Variants in QTMAN observed in about 807,000 individuals in gnomAD.
QTMAN encodes tRNA-queuosine alpha-mannosyltransferase.
chr2:144,136,256 G>A, the QTMAN span, among the ~76,000 whole-genome samples: 6,597 of 151,378 alleles, frequency 0.044, 481 homozygotes, highest in African/African-American at 0.15. Context: ...AGCCCAGGAG[G>A]TCAAGGATGA....
chr2:144,040,535 G>C, the QTMAN span, among the ~76,000 whole-genome samples: 108 of 152,202 alleles, frequency 7.1e-4, no homozygotes, highest in South Asian at 0.01. Flanking sequence ...ATCTATGCTA[G>C]TGAGCTATAT....
At chr2:144,039,581 G>C in the QTMAN span, among the ~76,000 whole-genome samples, 3 of 152,180 alleles carry the variant, frequency 2.0e-5, no homozygotes, top group African/African-American at 7.2e-5. Context: ...AGTAATGGAA[G>C]ATAAAAATGC....
the QTMAN span, among the ~76,000 whole-genome samples, chr2:144,105,576 C>CA: frequency 6.6e-6 from 1 of 152,132 alleles, no homozygotes; most frequent in African/African-American, 2.4e-5. Flanking sequence ...AAGAAATGAG[C>CA]AAAGCCTCCA....
chr2:144,331,839 C>T, the QTMAN span, among the ~76,000 whole-genome samples: 28 of 152,178 alleles, frequency 1.8e-4, no homozygotes, highest in African/African-American at 6.5e-4. Context: ...TCTTCACACT[C>T]GGCTGGCAGA....
At chr2:144,276,724 A>G in the QTMAN span, among the ~76,000 whole-genome samples, 1 of 152,238 alleles carries the variant, frequency 6.6e-6, no homozygotes, top group Non-Finnish European at 1.5e-5. Flanking sequence ...TGCTCTGGAT[A>G]CACCATCAAG....
chr2:143,980,582 G>A, the QTMAN span, among the ~76,000 whole-genome samples: 2 of 152,092 alleles, frequency 1.3e-5, no homozygotes, highest in Non-Finnish European at 2.9e-5. Flanking sequence ...TGTGTAATCA[G>A]ATGAATATAG....
chr2:144,265,469 G>A, the QTMAN span, among the ~76,000 whole-genome samples: 5 of 152,086 alleles, frequency 3.3e-5, no homozygotes, highest in Non-Finnish European at 7.4e-5. Context: ...AGGCTGAGGG[G>A]GGCAGATCAC....
the QTMAN span, among the ~76,000 whole-genome samples, chr2:144,267,812 T>C: frequency 6.6e-6 from 1 of 152,172 alleles, no homozygotes; most frequent in South Asian, 2.1e-4. Flanking sequence ...ATCTAAACTT[T>C]TGATTACAAT....
At chr2:144,277,085 G>T in the QTMAN span, among the ~76,000 whole-genome samples, 1 of 151,942 alleles carries the variant, frequency 6.6e-6, no homozygotes, top group South Asian at 2.1e-4. Flanking sequence ...CAGACAATAG[G>T]TGCCCACTAG....
At chr2:144,082,080 C>T in the QTMAN span, among the ~76,000 whole-genome samples, 1 of 152,078 alleles carries the variant, frequency 6.6e-6, no homozygotes, top group Non-Finnish European at 1.5e-5. Context: ...TTTGTAAGGA[C>T]GAGGTTTTGC....
chr2:144,303,262 T>C, the QTMAN span, among the ~76,000 whole-genome samples: 2 of 152,134 alleles, frequency 1.3e-5, no homozygotes, highest in African/African-American at 4.8e-5. Flanking sequence ...GCCAAGGCAG[T>C]GAAGTACTAT....
chr2:144,273,970 C>G, the QTMAN span, among the ~76,000 whole-genome samples: 2 of 152,078 alleles, frequency 1.3e-5, no homozygotes, highest in Non-Finnish European at 2.9e-5. Flanking sequence ...CCCATCTCTA[C>G]TAAAAATACA....
At chr2:144,028,082 T>C in the QTMAN span, among the ~76,000 whole-genome samples, 2 of 152,072 alleles carry the variant, frequency 1.3e-5, no homozygotes, top group African/African-American at 4.8e-5. Flanking sequence ...TATCCTTCCT[T>C]GGAAGGAAGG....
chr2:144,236,494 A>T, the QTMAN span, among the ~76,000 whole-genome samples: 68 of 151,994 alleles, frequency 4.5e-4, no homozygotes, highest in African/African-American at 1.5e-3. Flanking sequence ...CAGGGTCAGA[A>T]CTCACACAGT....
the QTMAN span, among the ~76,000 whole-genome samples, chr2:144,287,256 G>A: frequency 6.6e-6 from 1 of 152,146 alleles, no homozygotes; most frequent in East Asian, 1.9e-4. Context: ...CTAACAAAGT[G>A]AAACCCCGTC....
the QTMAN span, among the ~76,000 whole-genome samples, chr2:144,323,841 TATTA>T: frequency 6.6e-6 from 1 of 152,330 alleles, no homozygotes; most frequent in East Asian, 1.9e-4. Flanking sequence ...ACCCTAAACC[TATTA>T]GTTAGCTGTA....
At chr2:144,153,593 A>C in the QTMAN span, among the ~76,000 whole-genome samples, 1 of 152,172 alleles carries the variant, frequency 6.6e-6, no homozygotes, top group Non-Finnish European at 1.5e-5. Flanking sequence ...TGGGAGGCTG[A>C]GGCAGGAGAA....
chr2:144,097,703 C>T, the QTMAN span, among the ~76,000 whole-genome samples: 2 of 152,128 alleles, frequency 1.3e-5, no homozygotes, highest in Non-Finnish European at 2.9e-5. Flanking sequence ...CCCACTGCCC[C>T]CAGCTTTAAG....
chr2:144,164,400 T>A, the QTMAN span, among the ~76,000 whole-genome samples: 2 of 152,108 alleles, frequency 1.3e-5, no homozygotes, highest in Non-Finnish European at 2.9e-5. Context: ...TGTTTACCAT[T>A]ATTATTATTA....
Sources: allele counts gnomAD v4.1 joint callset (sites outside exome capture counted in the v4.1 genomes callset), GRCh38; gene constraint gnomAD v4.1.1; transcripts MANE v1.5; gene names NCBI Gene and HGNC (gene_info 2026-07-23, HGNC 2026-07-21).